NAGLU: variants seen among roughly 807,000 people sequenced by gnomAD.
NAGLU encodes the protein alpha-N-acetylglucosaminidase.
NAGLU carries 34 observed loss-of-function variants against 43.4 expected under a neutral mutation model. The observed-to-expected ratio is 0.78, with a 90% CI of 0.60 to 1.04. NAGLU has a LOEUF of 1.04. NAGLU is among the 50% of genes least tolerant of loss of function. NAGLU has a pLI of 0.00. For synonymous variants in NAGLU, 425 were observed against 437.6 expected (o/e 0.97, Z 0.36); for missense variants, 910 against 993.7 (o/e 0.92, Z 1.13).
intron 4 of NAGLU, 81 bp downstream of exon 4, chr17:42,538,836 T>C (rs894157053): frequency 1.0e-5 from 16 of 1,536,450 alleles, no homozygotes; most frequent in Admixed American, 1.8e-5. Context: ...AAACTTAAGC[T>C]CTGGGCCGGG....
intron 5 of NAGLU, 58 bp from the exon 6 acceptor site, chr17:42,542,969 TC>T: frequency 6.3e-7 from 1 of 1,595,742 alleles, no homozygotes; most frequent in Non-Finnish European, 8.5e-7. Context: ...GGGTGAACAT[TC>T]CCTGGGCCCT....
intron 4 of NAGLU, 44 bp from the exon 5 acceptor site, chr17:42,540,906 T>C: frequency 6.2e-7 from 1 of 1,614,030 alleles, no homozygotes; most frequent in Non-Finnish European, 8.5e-7. Context: ...TGGTGAACAC[T>C]ATGGCGGCTT....
intron 5 of NAGLU, 48 bp from the exon 6 acceptor site, chr17:42,542,978 CCT>C: frequency 6.3e-7 from 1 of 1,596,928 alleles, no homozygotes; most frequent in Non-Finnish European, 8.5e-7. Context: ...TTCCCTGGGC[CCT>C]CTGTTTCATC....
Position 42,536,254 on chromosome 17 carries a change from G to T in NAGLU, c.-19G>T. 8.2e-7 allele frequency: 1 copy of T among 1,217,128 alleles called. No individual in the cohort carries two copies. Among genetic ancestry groups the T allele is most frequent in the Non-Finnish European group, 1.0e-6 (1 of 978,262 alleles). 75.4% of individuals were successfully genotyped at this position (1,217,128 alleles called of 1,614,324 possible). ...CCGCCCCACCCCCTGGCCGTCGCGG[G>T]ACCCGCAGGACTGAGACCATGGAGG... On this transcript the variant is annotated 5_prime_UTR_variant, in exon 1 of 6. Transcript: ENST00000225927.
intron 5 of NAGLU, among the ~76,000 whole-genome samples, chr17:42,542,757 G>T (rs1382254391): frequency 6.6e-6 from 1 of 152,248 alleles, no homozygotes; most frequent in Non-Finnish European, 1.5e-5. Flanking sequence ...GCCCCTCAGA[G>T]TACTGGGATT....
intron 2 of NAGLU, 29 bp from the exon 3 acceptor site, chr17:42,538,310 A>G (rs2143086239): frequency 6.2e-7 from 1 of 1,613,986 alleles, no homozygotes; most frequent in Non-Finnish European, 8.5e-7. Flanking sequence ...AGATGAATAT[A>G]TTTCTATGTG....
In NAGLU at chr17:42,540,980, G is replaced by T. The variant is rs1288581944; in HGVS notation, c.795G>T (p.Met265Ile). The T allele has an allele frequency of 6.2e-7, 1 of 1,614,078 alleles. No individual in the cohort carries two copies. Among genetic ancestry groups the T allele is most frequent in the Non-Finnish European group, 8.5e-7 (1 of 1,180,048 alleles). ...RVFPQVNVTK[M>I]GSWGHFNCSY... ...TCCCTCAGGTCAATGTCACGAAGATGGGCAGTTGGGGCCACTTTAACTGTT... is the reference window on the plus strand; with the variant it reads ...TCCCTCAGGTCAATGTCACGAAGATTGGCAGTTGGGGCCACTTTAACTGTT... The change falls in exon 5 of 6, where the codon ATG becomes ATT. Residue 265 changes from methionine (M) to isoleucine (I), a missense_variant. By Grantham distance (10) the Met-to-Ile change is conservative (BLOSUM62 1). Transcript: ENST00000225927.
Position 42,543,552 on chromosome 17 carries a change from C to T in NAGLU, c.1546C>T (p.Pro516Ser), listed in dbSNP as rs1599261339. 6.2e-7 allele frequency: 1 copy of T among 1,611,208 alleles called. No homozygotes were observed. Among genetic ancestry groups the T allele is most frequent in the Non-Finnish European group, 8.5e-7 (1 of 1,179,454 alleles). ...GEACRGHNRS[P>S]LVRRPSLQMN... ...GGCCTGCAGGGGCCACAATCGTAGC[C>T]CGCTGGTCAGGCGGCCGTCCCTACA... Residue 516 changes from proline to serine, a missense_variant, in exon 6 of 6, where the codon CCG becomes TCG. By Grantham distance (74) the Pro-to-Ser change is moderately conservative. Coordinates refer to ENST00000225927, the MANE Select transcript of NAGLU (RefSeq NM_000263.4).
intron 2 of NAGLU, among the ~76,000 whole-genome samples, chr17:42,538,136 C>G (rs1461686311): frequency 6.6e-6 from 1 of 152,208 alleles, no homozygotes; most frequent in Non-Finnish European, 1.5e-5. Context: ...ATCTCCTCAC[C>G]CATGCGACAA....
Position 42,543,125 on chromosome 17 carries a change from G to T in NAGLU, c.1119G>T (p.Val373=), listed in dbSNP as rs371656965. Residue 373 remains valine, a synonymous_variant, in exon 6 of 6, where the codon GTG becomes GTT. Transcript: ENST00000225927. ...PAQIRAVLGA[V]PRGRLLVLDL... ...AGATCAGGGCTGTGCTGGGAGCTGT[G>T]CCCCGTGGCCGCCTCCTGGTTCTGG... The T allele has an allele frequency of 4.3e-4, 688 of 1,613,438 alleles. No individual in the cohort carries two copies. The highest frequency in any genetic ancestry group is 3.8e-4 in the Non-Finnish European group (443 of 1,180,048).
At position 42,536,473 on chromosome 17, in the gene NAGLU, G is replaced by GGGC. The variant is rs1186888836; in HGVS notation, c.212_214dup (p.Gly71dup). Reference sequence around the variant, plus strand: ...AGCCGGGCTTGGACACCTACAGCCTGGGCGGCGGCGGCGCGGCGCGCGTGC... The same window carrying GGGC: ...AGCCGGGCTTGGACACCTACAGCCTGGGCGGCGGCGGCGGCGCGGCGCGCGTGC... On this transcript the variant is annotated inframe_insertion, in exon 1 of 6. Coordinates refer to ENST00000225927, the MANE Select transcript of NAGLU (RefSeq NM_000263.4). 2.5e-6 allele frequency: 3 copies of GGGC among 1,217,276 alleles called. No individual in the cohort carries two copies. Among genetic ancestry groups the GGGC allele is most frequent in the Admixed American group, 4.2e-5 (1 of 23,564 alleles). The allele number at this position is 1,217,276 out of a possible 1,614,324, so 75.4% of individuals were successfully genotyped here. A position where few individuals can be genotyped will look rare whatever the true frequency, so the allele number is the denominator to read the frequency against.
chr17:42,542,959 G>A, intron 5 of NAGLU, 69 bp from the exon 6 acceptor site: 1 of 1,592,114 alleles, frequency 6.3e-7, no homozygotes, highest in Non-Finnish European at 8.5e-7. Flanking sequence ...CTGTAGAGTG[G>A]GGTGAACATT....
chr17:42,542,777 G>A (rs1356396720), intron 5 of NAGLU, among the ~76,000 whole-genome samples: 1 of 152,204 alleles, frequency 6.6e-6, no homozygotes, highest in Non-Finnish European at 1.5e-5. Flanking sequence ...TATAGGTGTG[G>A]GCCACCACGC....
At chr17:42,537,648 G>T in intron 2 of NAGLU, 103 bp downstream of exon 2, 2 of 1,485,322 alleles carry the variant, frequency 1.3e-6, no homozygotes, top group Non-Finnish European at 1.8e-6. Context: ...CTCTAGAAGT[G>T]CTTTCAGCGT....
At chr17:42,536,748 T>C (rs764552070) in intron 1 of NAGLU, 93 bp downstream of exon 1, 11 of 1,342,950 alleles carry the variant, frequency 8.2e-6, no homozygotes, top group Non-Finnish European at 1.0e-5. Context: ...CGGGGAGCGC[T>C]GGCCGGAAGG....
At chr17:42,542,914 G>A (rs1599260113) in intron 5 of NAGLU, 114 bp from the exon 6 acceptor site, 4 of 1,505,278 alleles carry the variant, frequency 2.7e-6, no homozygotes, top group Non-Finnish European at 3.6e-6. Flanking sequence ...GCTGGTGGGG[G>A]TCATGGGAAG....
At chr17:42,538,807 C>A in intron 4 of NAGLU, 52 bp downstream of exon 4, 2 of 1,598,386 alleles carry the variant, frequency 1.3e-6, no homozygotes, top group Non-Finnish European at 1.7e-6. Context: ...ATTTTATTCC[C>A]TTCTAGAACA....
At position 42,543,971 on chromosome 17, in the gene NAGLU, C is replaced by A. The variant is rs1482682282; in HGVS notation, c.1965C>A (p.Ile655=). ...CCTTGTGGGGGCCAGAAGGCAACAT[C>A]CTGGACTATGCCAACAAGCAGCTGG... is the stretch of plus-strand genomic sequence containing the variant. ...QLTLWGPEGN[I]LDYANKQLAG... is the part of the protein sequence containing the mutation. Residue 655 remains isoleucine, a synonymous_variant, in exon 6 of 6, where the codon ATC becomes ATA. Transcript: ENST00000225927. 1 of 1,610,670 alleles carries A rather than the reference C, an allele frequency of 6.2e-7. No homozygotes were observed. Among genetic ancestry groups the A allele is most frequent in the Non-Finnish European group, 8.5e-7 (1 of 1,178,504 alleles).
At chr17:42,541,278 G>T in intron 5 of NAGLU, 72 bp downstream of exon 5, 1 of 1,588,534 alleles carries the variant, frequency 6.3e-7, no homozygotes, top group Non-Finnish European at 8.5e-7. Flanking sequence ...TGTCAGTAGG[G>T]GTAGGCAGAG....
Sources: allele counts gnomAD v4.1 joint callset (sites outside exome capture counted in the v4.1 genomes callset), GRCh38; gene constraint gnomAD v4.1.1; transcripts MANE v1.5; gene names NCBI Gene and HGNC (gene_info 2026-07-23, HGNC 2026-07-21).